The following SAMD4A variants were observed in gnomAD, a reference collection of about 807,000 sequenced individuals.
SAMD4A encodes sterile alpha motif domain containing 4A, also known as protein Smaug homolog 1.
A neutral mutation model predicts 81.3 loss-of-function variants in SAMD4A; 33 were observed. The ratio of observed to expected loss-of-function variants is 0.41; its 90% CI spans 0.31 to 0.54. The LOEUF is 0.54. Among genes scored for constraint, SAMD4A ranks in the 20% least tolerant of loss-of-function variants. The pLI, the probability that SAMD4A is intolerant of heterozygous loss-of-function variation, is 0.37. For missense variants in SAMD4A, 854 were observed against 951.1 expected (o/e 0.90, Z 1.34); for synonymous variants, 389 against 382.1 (o/e 1.02, Z -0.21).
intron 2 of SAMD4A, among the ~76,000 whole-genome samples, chr14:54,655,047 G>T (rs1466002857): frequency 2.6e-5 from 4 of 152,168 alleles, no homozygotes; most frequent in Non-Finnish European, 5.9e-5. Flanking sequence ...TCGGAGACTA[G>T]GATCTTAGCC....
rs1009964181 is a variant in SAMD4A at position 54,793,089 on chromosome 14, G to C, written c.*4145G>C. On this transcript the variant is annotated 3_prime_UTR_variant, in exon 13 of 13. Coordinates refer to ENST00000554335, the MANE Select transcript of SAMD4A (RefSeq NM_015589.6). Reference sequence around the variant, plus strand: ...TATGGAAAGAGCATGTTTGTTACATGTAAAAGCTTTACTGATATACAGATA... The same window carrying C: ...TATGGAAAGAGCATGTTTGTTACATCTAAAAGCTTTACTGATATACAGATA... The C allele has an allele frequency of 3.3e-5, 5 of 152,138 alleles. No individual in the cohort carries two copies. Among genetic ancestry groups the C allele is most frequent in the African/African-American group, 1.2e-4 (5 of 41,428 alleles). The allele number at this position is 152,138 out of a possible 1,614,324, so 9.4% of individuals were successfully genotyped here. A position where few individuals can be genotyped will look rare whatever the true frequency, so the allele number is the denominator to read the frequency against.
At chr14:54,681,183 C>T (rs11624697) in intron 2 of SAMD4A, among the ~76,000 whole-genome samples, 39,395 of 147,378 alleles carry the variant, frequency 0.27, 6,904 homozygotes, top group Non-Finnish European at 0.38. Flanking sequence ...CCTCCAGCCC[C>T]CCAGCCCCCC....
intron 2 of SAMD4A, among the ~76,000 whole-genome samples, chr14:54,589,349 T>A (rs116039227): frequency 2.0e-3 from 298 of 152,322 alleles, no homozygotes; most frequent in African/African-American, 6.9e-3. Flanking sequence ...AAAAGCCTCA[T>A]GTTTTTACTC....
intron 2 of SAMD4A, among the ~76,000 whole-genome samples, chr14:54,652,298 A>G (rs888233526): frequency 6.6e-6 from 1 of 152,232 alleles, no homozygotes; most frequent in Admixed American, 6.5e-5. Flanking sequence ...TTATAAATGA[A>G]TAACAGTGAT....
chr14:54,666,132 C>T (rs1232265301), intron 2 of SAMD4A, among the ~76,000 whole-genome samples: 1 of 152,168 alleles, frequency 6.6e-6, no homozygotes, highest in Non-Finnish European at 1.5e-5. Flanking sequence ...GGGAATGAGG[C>T]ATAAGAAGAA....
chr14:54,751,178 C>T (rs559094880), intron 5 of SAMD4A, among the ~76,000 whole-genome samples: 2 of 152,234 alleles, frequency 1.3e-5, no homozygotes, highest in South Asian at 2.1e-4. Flanking sequence ...ATCACGTGAG[C>T]CCAGGAGGTC....
intron 2 of SAMD4A, among the ~76,000 whole-genome samples, chr14:54,588,421 G>C (rs949540507): frequency 6.6e-6 from 1 of 150,964 alleles, no homozygotes; most frequent in Admixed American, 6.6e-5. Context: ...CTTTTTTTCT[G>C]CTGGGTTTGG....
intron 2 of SAMD4A, among the ~76,000 whole-genome samples, chr14:54,646,649 G>A (rs1177680938): frequency 6.6e-6 from 1 of 152,240 alleles, no homozygotes; most frequent in Non-Finnish European, 1.5e-5. Flanking sequence ...ACTGGAGGTA[G>A]GGAGAAAGAG....
intron 2 of SAMD4A, among the ~76,000 whole-genome samples, chr14:54,683,855 C>T (rs1377699659): frequency 6.6e-6 from 1 of 152,122 alleles, no homozygotes; most frequent in Non-Finnish European, 1.5e-5. Context: ...ATGAGATCAT[C>T]CGTATGGGAT....
chr14:54,598,368 G>C (rs1242501664), intron 2 of SAMD4A, among the ~76,000 whole-genome samples: 1 of 152,096 alleles, frequency 6.6e-6, no homozygotes, highest in East Asian at 1.9e-4. Flanking sequence ...AGGTAATACT[G>C]TATGCATCCT....
intron 2 of SAMD4A, chr14:54,696,750 C>T (rs2036587695): frequency 6.6e-6 from 1 of 152,192 alleles, no homozygotes; most frequent in Admixed American, 6.5e-5. Flanking sequence ...TTTTACTACT[C>T]CTATGTCACT....
At chr14:54,680,361 C>A (rs2036099557) in intron 2 of SAMD4A, among the ~76,000 whole-genome samples, 1 of 152,210 alleles carries the variant, frequency 6.6e-6, no homozygotes, top group Admixed American at 6.5e-5. Flanking sequence ...AGTGGAGTTG[C>A]TTCTTACCAA....
intron 2 of SAMD4A, among the ~76,000 whole-genome samples, chr14:54,664,226 T>G (rs1594784984): frequency 6.6e-6 from 1 of 152,142 alleles, no homozygotes; most frequent in South Asian, 2.1e-4. Context: ...CATAGCAAAT[T>G]TCCTGGTTTA....
chr14:54,760,268 C>T lies in SAMD4A; in HGVS notation c.1284C>T (p.Arg428=). ...CCCCGAGCACCACCCCCGAGGCTCG[C>T]CGCCGGGAGCCCCAGGCCCCGCGTC... is the stretch of plus-strand genomic sequence containing the variant. ...YSSPSTTPEA[R]RREPQAPRQP... Residue 428 remains arginine, a synonymous_variant, in exon 7 of 13, where the codon CGC becomes CGT. Transcript: ENST00000554335. The T allele has an allele frequency of 6.2e-7, 1 of 1,612,648 alleles. No individual in the cohort carries two copies. Among genetic ancestry groups the T allele is most frequent in the Non-Finnish European group, 8.5e-7 (1 of 1,179,820 alleles).
At chr14:54,781,894 T>C (rs2039008081) in intron 11 of SAMD4A, among the ~76,000 whole-genome samples, 1 of 152,218 alleles carries the variant, frequency 6.6e-6, no homozygotes, top group Non-Finnish European at 1.5e-5. Context: ...GATCTGTTTT[T>C]ATCAAATACA....
In SAMD4A at chr14:54,760,193, G is replaced by A. The variant is rs778945695; in HGVS notation, c.1209G>A (p.Pro403=). The change falls in exon 7 of 13, where the codon CCG becomes CCA. Residue 403 remains proline, a synonymous_variant. Coordinates refer to ENST00000554335, the MANE Select transcript of SAMD4A (RefSeq NM_015589.6). ...TCGAGGGGGGCAGCCTGCGCATCCC[G>A]CTCCAGGAACTGCACCAGATGATCC... The part of the protein sequence containing the change: ...DIIEGGSLRI[P]LQELHQMILT... The A allele has an allele frequency of 2.4e-5, 38 of 1,612,872 alleles. No homozygotes were observed. Among genetic ancestry groups the A allele is most frequent in the Non-Finnish European group, 3.0e-5 (35 of 1,179,808 alleles).
chr14:54,574,656 C>T, intron 2 of SAMD4A, among the ~76,000 whole-genome samples: 1 of 152,210 alleles, frequency 6.6e-6, no homozygotes, highest in East Asian at 1.9e-4. Context: ...GTATTTTCAT[C>T]CCGCTTAAGT....
At chr14:54,721,958 G>A (rs1309717605) in intron 3 of SAMD4A, among the ~76,000 whole-genome samples, 1 of 152,298 alleles carries the variant, frequency 6.6e-6, no homozygotes. Context: ...ATAGCATTTT[G>A]TAGATAAATG....
chr14:54,597,419 C>T (rs1321814046), intron 2 of SAMD4A, among the ~76,000 whole-genome samples: 3 of 151,742 alleles, frequency 2.0e-5, no homozygotes, highest in Non-Finnish European at 4.4e-5. Context: ...GGATTACAGG[C>T]ATGCGCCACC....
Sources: gnomAD v4.1 joint callset for allele counts (sites outside exome capture counted in the v4.1 genomes callset) on GRCh38, gnomAD v4.1.1 for gene constraint, MANE v1.5 for transcripts, NCBI Gene and HGNC (gene_info 2026-07-23, HGNC 2026-07-21) for gene names.